Variants in CHPT1 observed in about 807,000 individuals in gnomAD.
CHPT1 encodes choline phosphotransferase 1.
In CHPT1, 36 loss-of-function variants were observed where a neutral mutation model predicts 47.6. The ratio of observed to expected loss-of-function variants is 0.76; its 90% confidence interval spans 0.58 to 1.00. The LOEUF (loss-of-function observed/expected upper bound fraction) is 1.00. CHPT1 is among the 50% of genes least tolerant of loss of function. The pLI is 0.00. For synonymous variants in CHPT1, 194 were observed against 186.3 expected (o/e 1.04, Z -0.33); for missense variants, 458 against 498.1 (o/e 0.92, Z 0.77).
At chr12:101,718,921 A>G (rs1465379945) in intron 4 of CHPT1, among the ~76,000 whole-genome samples, 6 of 151,868 alleles carry the variant, frequency 4.0e-5, no homozygotes, top group African/African-American at 1.5e-4. Flanking sequence ...TAAGAAGGTA[A>G]ATGTACGGGC....
intron 1 of CHPT1, among the ~76,000 whole-genome samples, chr12:101,703,025 A>G (rs7953325): frequency 0.28 from 41,846 of 152,110 alleles, 6,522 homozygotes; most frequent in East Asian, 0.65. Flanking sequence ...GCTTCACTAT[A>G]CTTAATTCCT....
At chr12:101,706,621 C>T (rs1951637676) in intron 1 of CHPT1, among the ~76,000 whole-genome samples, 1 of 152,156 alleles carries the variant, frequency 6.6e-6, no homozygotes, top group Non-Finnish European at 1.5e-5. Flanking sequence ...CAGTGCCATG[C>T]TCTTGGGCTT....
In CHPT1 at chr12:101,714,161, G is replaced by A; in HGVS notation, c.345G>A (p.Gly115=). 1.2e-6 allele frequency: 2 copies of A among 1,612,886 alleles called. No homozygotes were observed. The highest frequency in any genetic ancestry group is 1.7e-6 in the Non-Finnish European group (2 of 1,179,006). ...ACCAGTCACTGGATGCTATTGATGG[G>A]AAACAAGCCAGAAGAACAAACTCTT... The part of the protein sequence containing the change: ...FIYQSLDAID[G]KQARRTNSCS... Residue 115 remains glycine (G), a synonymous_variant, in exon 2 of 9, where the codon GGG becomes GGA. Transcript: ENST00000229266.
chr12:101,716,114 T>C (rs952133436), intron 3 of CHPT1, among the ~76,000 whole-genome samples: 7 of 152,124 alleles, frequency 4.6e-5, no homozygotes, highest in Non-Finnish European at 1.0e-4. Flanking sequence ...AGTGAGCCTA[T>C]TCGTGGAGCA....
rs1952045884 is a variant in CHPT1 at position 101,728,787 on chromosome 12, A to G, written c.1177-114A>G. 4.1e-6 allele frequency: 5 copies of G among 1,217,654 alleles called. No individual in the cohort carries two copies. The East Asian group carries it at 1.2e-4, about 30-fold the overall frequency. 75.4% of individuals were successfully genotyped at this position (1,217,654 alleles called of 1,614,324 possible). A position where few individuals can be genotyped will look rare whatever the true frequency, so the allele number is the denominator to read the frequency against. On this transcript the variant is annotated intron_variant, in intron 8 of 8. Transcript: ENST00000229266. ...TAACTATTTAGATTTGACTTAACAG[A>G]AAGGGAGGTCTTACAATGAAACAGG...
intron 1 of CHPT1, among the ~76,000 whole-genome samples, chr12:101,703,790 GCAAT>G (rs1233795742): frequency 9.9e-5 from 15 of 152,152 alleles, no homozygotes; most frequent in African/African-American, 3.6e-4. Flanking sequence ...CAGGAATGGA[GCAAT>G]CAGTCATTTC....
At position 101,723,848 on chromosome 12, in the gene CHPT1, G is replaced by GT; in HGVS notation, c.1065+2dup. The GT allele has an allele frequency of 2.7e-6, 4 of 1,502,648 alleles. No homozygotes were observed. The highest frequency in any genetic ancestry group is 2.7e-6 in the Non-Finnish European group (3 of 1,093,032). The allele number at this position is 1,502,648 out of a possible 1,614,324, so 93.1% of individuals were successfully genotyped here. On this transcript the variant is annotated splice_donor_variant, in intron 7 of 8. Coordinates refer to ENST00000229266, the MANE Select transcript of CHPT1 (RefSeq NM_020244.3). LOFTEE classifies it high-confidence loss of function. ...ATATGTTGTTCTATGGATGGCAATG[G>GT]TAAGTATTTTTCTCCATTTTATTTA...
In CHPT1 at chr12:101,708,681, C is replaced by A. The variant is rs767928723; in HGVS notation, c.274-5409C>A. 4.7e-5 allele frequency among the ~76,000 whole-genome samples: 7 copies of A among 150,138 alleles called. 2 individuals are homozygous for A. The highest frequency in any genetic ancestry group is 2.0e-4 in the East Asian group (1 of 5,080). Reference sequence around the variant, plus strand: ...GGAGTGCAGTGGCTCACTTCAACCTCTGCCTCCTGGGTTCAAGCAATTCTC... The same window carrying A: ...GGAGTGCAGTGGCTCACTTCAACCTATGCCTCCTGGGTTCAAGCAATTCTC... On this transcript the variant is annotated intron_variant, in intron 1 of 8. Coordinates refer to ENST00000229266, the MANE Select transcript of CHPT1 (RefSeq NM_020244.3).
chr12:101,698,197 C>A, intron 1 of CHPT1, 63 bp downstream of exon 1: 1 of 1,371,036 alleles, frequency 7.3e-7, no homozygotes. Context: ...GCTGGAGGCG[C>A]CGGGGGAAGG....
At chr12:101,709,410 A>C (rs2137008845) in intron 1 of CHPT1, among the ~76,000 whole-genome samples, 1 of 143,072 alleles carries the variant, frequency 7.0e-6, no homozygotes, top group Admixed American at 7.3e-5. Context: ...AAAAAAAAAA[A>C]GTCTAATCTA....
At chr12:101,707,544 A>T (rs1021047409) in intron 1 of CHPT1, among the ~76,000 whole-genome samples, 1 of 152,100 alleles carries the variant, frequency 6.6e-6, no homozygotes, top group African/African-American at 2.4e-5. Flanking sequence ...TAATTGAGGG[A>T]TATTGGTTAA....
chr12:101,723,964 C>T, intron 7 of CHPT1, 117 bp downstream of exon 7: 1 of 747,384 alleles, frequency 1.3e-6, no homozygotes, highest in Non-Finnish European at 2.1e-6. Flanking sequence ...CGCCTGTAAT[C>T]CCAGCACTTT....
intron 7 of CHPT1, among the ~76,000 whole-genome samples, chr12:101,724,260 T>C (rs1399011002): frequency 6.6e-6 from 1 of 151,030 alleles, no homozygotes; most frequent in Non-Finnish European, 1.5e-5. Context: ...ATATATACAA[T>C]AAATGTTTCT....
At chr12:101,706,473 C>T (rs1260095354) in intron 1 of CHPT1, among the ~76,000 whole-genome samples, 2 of 152,106 alleles carry the variant, frequency 1.3e-5, no homozygotes, top group African/African-American at 2.4e-5. Flanking sequence ...TGAAACATAC[C>T]TCAGAAACTA....
intron 5 of CHPT1, among the ~76,000 whole-genome samples, chr12:101,722,236 T>G (rs777500636): frequency 6.6e-6 from 1 of 152,100 alleles, no homozygotes; most frequent in Non-Finnish European, 1.5e-5. Flanking sequence ...CACTATTAGA[T>G]TTTTATAATT....
At chr12:101,716,913 A>AG in intron 4 of CHPT1, 101 bp downstream of exon 4, 1 of 659,928 alleles carries the variant, frequency 1.5e-6, no homozygotes, top group Non-Finnish European at 2.3e-6. Flanking sequence ...CATTGTATTT[A>AG]ATTTTTTTTT....
chr12:101,704,431 C>T (rs1454407478), intron 1 of CHPT1, among the ~76,000 whole-genome samples: 9 of 134,710 alleles, frequency 6.7e-5, no homozygotes, highest in Admixed American at 1.6e-4. Context: ...GATGGAGTTT[C>T]GCTCTTGTTG....
At chr12:101,700,539 T>C (rs1305264687) in intron 1 of CHPT1, among the ~76,000 whole-genome samples, 1 of 152,172 alleles carries the variant, frequency 6.6e-6, no homozygotes, top group Admixed American at 6.5e-5. Flanking sequence ...CCAGCAACAG[T>C]GTGAAGAGTG....
chr12:101,698,244 G>A (rs1019273421), intron 1 of CHPT1, 110 bp downstream of exon 1: 2 of 1,334,914 alleles, frequency 1.5e-6, no homozygotes, highest in African/African-American at 1.6e-5. Flanking sequence ...CCCGGGCCCC[G>A]GAGGGGCGGA....
Sources: allele counts gnomAD v4.1 joint callset (sites outside exome capture counted in the v4.1 genomes callset), GRCh38; gene constraint gnomAD v4.1.1; transcripts MANE v1.5; gene names NCBI Gene and HGNC (gene_info 2026-07-23, HGNC 2026-07-21).